The following DPP6 variants were observed in gnomAD, a reference collection of about 807,000 sequenced individuals.
The protein encoded by DPP6 is A-type potassium channel modulatory protein DPP6.
DPP6 carries 69 observed loss-of-function variants against 122.6 expected under a neutral mutation model. That is an observed-to-expected ratio of 0.56 (90% CI 0.46 to 0.69). The LOEUF (loss-of-function observed/expected upper bound fraction) is 0.69. Ranked by LOEUF, DPP6 falls within the 30% of genes least tolerant of loss-of-function variation. The pLI, the probability that DPP6 is intolerant of heterozygous loss-of-function variation, is 0.00. For synonymous variants in DPP6, 418 were observed against 433.1 expected, an observed-to-expected ratio of 0.97 and a Z score of 0.43; for missense variants, 928 against 1,116.9, an observed-to-expected ratio of 0.83 and a Z score of 2.41.
the DPP6 span, among the ~76,000 whole-genome samples, chr7:153,790,235 T>G: frequency 6.6e-6 from 1 of 152,090 alleles, no homozygotes; most frequent in African/African-American, 2.4e-5. Flanking sequence ...TCTTCAAAGG[T>G]CAACTGAAGC....
At chr7:154,100,816 G>T (rs1805675710) in intron 1 of DPP6, among the ~76,000 whole-genome samples, 1 of 133,008 alleles carries the variant, frequency 7.5e-6, no homozygotes, top group African/African-American at 2.6e-5. Flanking sequence ...TGCTGGTGAT[G>T]ATCTGCTTTC....
chr7:154,057,400 C>A, intron 1 of DPP6: 2 of 229,790 alleles, frequency 8.7e-6, no homozygotes, highest in Non-Finnish European at 1.4e-5. Context: ...GCTTAGGACG[C>A]CCATCGGGGA....
chr7:154,781,678 A>G (rs1301787295), intron 10 of DPP6, among the ~76,000 whole-genome samples: 2 of 152,174 alleles, frequency 1.3e-5, no homozygotes, highest in African/African-American at 4.8e-5. Flanking sequence ...GCCCTCTATT[A>G]AAGCACATCA....
intron 1 of DPP6, among the ~76,000 whole-genome samples, chr7:154,264,766 AATG>A (rs1274303438): frequency 1.7e-4 from 25 of 148,066 alleles, no homozygotes; most frequent in African/African-American, 5.1e-4. Context: ...TGATAGTGAT[AATG>A]ATGATGATCC....
At chr7:154,406,562 T>A (rs1177588855) in intron 1 of DPP6, among the ~76,000 whole-genome samples, 1 of 152,150 alleles carries the variant, frequency 6.6e-6, no homozygotes, top group African/African-American at 2.4e-5. Flanking sequence ...CACGTGGGTT[T>A]GCATGCTGAC....
intron 1 of DPP6, among the ~76,000 whole-genome samples, chr7:153,956,600 A>G (rs1307092564): frequency 6.6e-6 from 1 of 152,126 alleles, no homozygotes; most frequent in Non-Finnish European, 1.5e-5. Context: ...CAAGATGCTC[A>G]TTCTGGCACA....
At chr7:154,323,620 T>C (rs1346296515) in intron 1 of DPP6, among the ~76,000 whole-genome samples, 1 of 152,224 alleles carries the variant, frequency 6.6e-6, no homozygotes, top group Non-Finnish European at 1.5e-5. Context: ...GAATCATCTT[T>C]CTTGAGAGGA....
chr7:154,691,239 G>T (rs2131217073), intron 7 of DPP6, among the ~76,000 whole-genome samples: 1 of 152,254 alleles, frequency 6.6e-6, no homozygotes, highest in South Asian at 2.1e-4. Context: ...TGAGGACATT[G>T]CTCTGTTTTC....
At chr7:154,007,489 C>A (rs1001836967) in intron 1 of DPP6, among the ~76,000 whole-genome samples, 3 of 152,094 alleles carry the variant, frequency 2.0e-5, no homozygotes, top group African/African-American at 7.2e-5. Context: ...AGCTGCCAGG[C>A]AAAATCACCT....
chr7:154,253,307 G>A (rs978541086), intron 1 of DPP6, among the ~76,000 whole-genome samples: 1 of 152,216 alleles, frequency 6.6e-6, no homozygotes, highest in East Asian at 1.9e-4. Context: ...GTAGGTACCT[G>A]GAGCAGGCTG....
chr7:154,588,116 G>T (rs758817037), intron 5 of DPP6: 31 of 1,581,226 alleles, frequency 2.0e-5, no homozygotes, highest in South Asian at 1.2e-5. Context: ...GCACAGGCTT[G>T]TTCCTTCAAC....
At chr7:154,341,236 C>T (rs923530498) in intron 1 of DPP6, among the ~76,000 whole-genome samples, 4 of 152,058 alleles carry the variant, frequency 2.6e-5, no homozygotes, top group Non-Finnish European at 5.9e-5. Flanking sequence ...TCAAGTGCAG[C>T]GAGGATTCCT....
At chr7:154,415,123 A>G (rs1816915701) in intron 1 of DPP6, among the ~76,000 whole-genome samples, 1 of 152,066 alleles carries the variant, frequency 6.6e-6, no homozygotes, top group East Asian at 1.9e-4. Flanking sequence ...AGCCTTCCTG[A>G]CCCACTCTAG....
rs80100469 is a variant in DPP6, at chr7:154,835,963, G to A, written c.1667-17817G>A. Among the ~76,000 whole-genome samples the A allele has an allele frequency of 8.4e-3, 1,281 of 152,296 alleles. 13 individuals are homozygous for A. The highest frequency in any genetic ancestry group is 0.029 in the African/African-American group (1,214 of 41,574). On this transcript the variant is annotated intron_variant, in intron 16 of 25. Coordinates refer to ENST00000377770, the MANE Select transcript of DPP6 (RefSeq NM_130797.4). ...GAAAGCGGCTTCTGATGGTGGAAAGGATTCCTGTGATTTTAAAGCGGTTTG... is the reference window on the plus strand; with the variant it reads ...GAAAGCGGCTTCTGATGGTGGAAAGAATTCCTGTGATTTTAAAGCGGTTTG...
chr7:154,537,758 A>AGGAGG (rs747079662), intron 3 of DPP6, among the ~76,000 whole-genome samples: 4 of 149,410 alleles, frequency 2.7e-5, no homozygotes, highest in Non-Finnish European at 6.0e-5. Flanking sequence ...GAAAGGAGAG[A>AGGAGG]GGAGGGGAGG....
At chr7:154,878,421 A>C (rs1193450702) in intron 20 of DPP6, among the ~76,000 whole-genome samples, 1 of 152,246 alleles carries the variant, frequency 6.6e-6, no homozygotes, top group Non-Finnish European at 1.5e-5. Flanking sequence ...GGCAAAGCTT[A>C]GAGCCGTTGC....
chr7:154,852,705 TGAG>T (rs1183538739), intron 16 of DPP6, among the ~76,000 whole-genome samples: 2 of 152,172 alleles, frequency 1.3e-5, no homozygotes, highest in African/African-American at 2.4e-5. Context: ...GTGCAGTAGA[TGAG>T]GAGAAGGACA....
chr7:154,795,151 C>T (rs1797965201), intron 11 of DPP6, among the ~76,000 whole-genome samples: 1 of 152,116 alleles, frequency 6.6e-6, no homozygotes, highest in Non-Finnish European at 1.5e-5. Context: ...TTGTAATCTC[C>T]AACTTCTCCA....
At chr7:154,657,884 A>G (rs1837375582) in intron 6 of DPP6, among the ~76,000 whole-genome samples, 1 of 152,196 alleles carries the variant, frequency 6.6e-6, no homozygotes, top group South Asian at 2.1e-4. Context: ...TCCTCCATGG[A>G]AAAACTTGGA....
Sources: gnomAD v4.1 joint callset for allele counts (sites outside exome capture counted in the v4.1 genomes callset) on GRCh38, gnomAD v4.1.1 for gene constraint, MANE v1.5 for transcripts, NCBI Gene and HGNC (gene_info 2026-07-23, HGNC 2026-07-21) for gene names.